ENO1: variants seen among roughly 807,000 people sequenced by gnomAD.
ENO1 encodes the protein alpha-enolase.
In ENO1, 33 loss-of-function variants were observed where a neutral mutation model predicts 46.3. The observed-to-expected ratio is 0.71, with a 90% CI of 0.54 to 0.95. The LOEUF (loss-of-function observed/expected upper bound fraction) is 0.95, where lower values mean the gene tolerates loss of function less well. Among genes scored for constraint, ENO1 ranks in the 40% least tolerant of loss-of-function variants. The pLI is 0.00. For missense variants in ENO1, 488 were observed against 553.3 expected, an observed-to-expected ratio of 0.88 and a Z score of 1.18; for synonymous variants, 220 against 216.0, an observed-to-expected ratio of 1.02 and a Z score of -0.16.
At chr1:8,874,160 G>A (rs1361077699) in intron 2 of ENO1, among the ~76,000 whole-genome samples, 2 of 152,094 alleles carry the variant, frequency 1.3e-5, no homozygotes, top group Admixed American at 1.3e-4. Flanking sequence ...CCTGCATTTG[G>A]TCACAGCAAG....
In ENO1 at chr1:8,865,409, C is replaced by A. The variant is rs773168746; in HGVS notation, c.741G>T (p.Ala247=). The change falls in exon 8 of 12, where the codon GCG becomes GCT. Residue 247 remains alanine, a synonymous_variant. Coordinates refer to ENST00000234590, the MANE Select transcript of ENO1 (RefSeq NM_001428.5). ...TDKVVIGMDV[A]ASEFFRSGKY... Reference sequence around the variant, plus strand: ...TCCCAGACCTGAAGAACTCGGAGGCCGCTACGTCCATGCCGATGACCACCT... The same window carrying A: ...TCCCAGACCTGAAGAACTCGGAGGCAGCTACGTCCATGCCGATGACCACCT... 6.2e-7 allele frequency: 1 copy of A among 1,614,062 alleles called. No individual in the cohort carries two copies. The highest frequency in any genetic ancestry group is 8.5e-7 in the Non-Finnish European group (1 of 1,180,038).
In ENO1 at chr1:8,861,149, C is replaced by T. The variant is rs933414679; in HGVS notation, c.*211G>A. The stretch of plus-strand genomic sequence containing the variant: ...GAAAAACAATGACTTGGGCCAATTA[C>T]ACGACTGCAAAGCTAGAGCTGCCAA... On this transcript the variant is annotated 3_prime_UTR_variant, in exon 12 of 12. Coordinates refer to ENST00000234590, the MANE Select transcript of ENO1 (RefSeq NM_001428.5). The T allele has an allele frequency of 7.5e-6, 4 of 531,158 alleles. No homozygotes were observed. Among genetic ancestry groups the T allele is most frequent in the Non-Finnish European group, 1.3e-5 (4 of 298,718 alleles). 32.9% of individuals were successfully genotyped at this position (531,158 alleles called of 1,614,324 possible).
In ENO1 at chr1:8,861,235, C is replaced by T. The variant is rs544057356; in HGVS notation, c.*125G>A. 1.8e-3 allele frequency: 1,660 copies of T among 946,552 alleles called. 13 individuals carry two copies. In the African/African-American group the frequency reaches 0.02, roughly 12 times the overall value. The allele number at this position is 946,552 out of a possible 1,614,324, so 58.6% of individuals were successfully genotyped here. On this transcript the variant is annotated 3_prime_UTR_variant, in exon 12 of 12. Transcript: ENST00000234590. ...TAAGGAAGCGGTACGAACTCCACGGCGGTGGGGCGCTAACTAGCAGGGACC... is the reference window on the plus strand; with the variant it reads ...TAAGGAAGCGGTACGAACTCCACGGTGGTGGGGCGCTAACTAGCAGGGACC...
At chr1:8,876,135 T>TTATAGAAAC (rs1458329446) in intron 1 of ENO1, 1 of 152,116 alleles carries the variant, frequency 6.6e-6, no homozygotes, top group African/African-American at 2.4e-5. Context: ...CCAAAGAAAC[T>TTATAGAAAC]AACTGAACAA....
chr1:8,877,012 C>G (rs1642748570), intron 1 of ENO1, among the ~76,000 whole-genome samples: 2 of 148,646 alleles, frequency 1.3e-5, no homozygotes, highest in African/African-American at 2.5e-5. Context: ...TTTTTTGAGA[C>G]GGAGTCGCGC....
chr1:8,871,750 T>A, intron 3 of ENO1, 141 bp downstream of exon 3: 1 of 1,254,936 alleles, frequency 8.0e-7, no homozygotes, highest in Non-Finnish European at 1.1e-6. Flanking sequence ...GTGCACTGCT[T>A]CCATCAACAT....
intron 1 of ENO1, among the ~76,000 whole-genome samples, chr1:8,876,889 G>T (rs1461715379): frequency 6.6e-6 from 1 of 151,702 alleles, no homozygotes; most frequent in Non-Finnish European, 1.5e-5. Context: ...TTGTCGCCCA[G>T]ACTGGAGTGC....
chr1:8,870,224 C>A, intron 4 of ENO1: 1 of 550,280 alleles, frequency 1.8e-6, no homozygotes, highest in Non-Finnish European at 3.2e-6. Flanking sequence ...AACCTCAGGG[C>A]TCGAAGTGTC....
At chr1:8,873,691 A>C (rs549302394) in intron 2 of ENO1, 1 of 152,232 alleles carries the variant, frequency 6.6e-6, no homozygotes, top group Non-Finnish European at 1.5e-5. Context: ...GTCAGGCCTC[A>C]AGGATCCTTT....
chr1:8,864,242 G>A (rs1300337883), intron 8 of ENO1, 150 bp from the exon 9 acceptor site: 2 of 815,774 alleles, frequency 2.5e-6, no homozygotes, highest in Non-Finnish European at 4.1e-6. Context: ...ACTGATCCTT[G>A]AAACAATGTG....
intron 4 of ENO1, among the ~76,000 whole-genome samples, chr1:8,869,997 CT>C (rs1411340423): frequency 6.6e-6 from 1 of 152,228 alleles, no homozygotes; most frequent in African/African-American, 2.4e-5. Context: ...CCCAGCCCTA[CT>C]TCACCTCCAG....
Position 8,868,010 on chromosome 1 carries a change from C to T in ENO1, c.288G>A (p.Glu96=). ...CACATTTATTTTCTGTTCCATCCAT[C>T]TCGATCATCAGTTTGTCAATCTTCT... is the stretch of plus-strand genomic sequence containing the variant. The part of the protein sequence containing the change: ...EQEKIDKLMI[E]MDGTENKSKF... Residue 96 remains glutamate (E), a synonymous_variant, in exon 5 of 12, where the codon GAG becomes GAA. Transcript: ENST00000234590. The T allele has an allele frequency of 1.9e-6, 3 of 1,614,118 alleles. No homozygotes were observed. The highest frequency in any genetic ancestry group is 2.5e-6 in the Non-Finnish European group (3 of 1,180,006).
At chr1:8,875,542 G>T (rs529612439) in intron 1 of ENO1, among the ~76,000 whole-genome samples, 1 of 152,166 alleles carries the variant, frequency 6.6e-6, no homozygotes, top group Admixed American at 6.5e-5. Context: ...CGGGACCAGG[G>T]GAAAACCTTG....
chr1:8,878,659 C>T lies in ENO1; in HGVS notation c.-89G>A, dbSNP rs1425276173. ...GAGGTGAACGTAAAGCCGGCGAGAT[C>T]TCCGTGCTCCGGGTACCCACAGATA... is the stretch of plus-strand genomic sequence containing the variant. On this transcript the variant is annotated 5_prime_UTR_variant, in exon 1 of 12. Coordinates refer to ENST00000234590, the MANE Select transcript of ENO1 (RefSeq NM_001428.5). The T allele has an allele frequency of 2.2e-6, 1 of 456,098 alleles. No homozygotes were observed. Among genetic ancestry groups the T allele is most frequent in the East Asian group, 6.9e-5 (1 of 14,390 alleles). 28.3% of individuals were successfully genotyped at this position (456,098 alleles called of 1,614,324 possible).
In ENO1 at chr1:8,872,000, A is replaced by AAAAAGATGT. The variant is rs1642644248; in HGVS notation, c.86-23_86-15dup. ...CTCTGAAGAGACCTGGATGAGAGGA[A>AAAAAGATGT]AAAAGATGTAGTAGCAATTCAGAAA... On this transcript the variant is annotated splice_polypyrimidine_tract_variant and intron_variant, in intron 2 of 11. Transcript: ENST00000234590. 1.2e-6 allele frequency: 2 copies of AAAAAGATGT among 1,610,974 alleles called. No individual in the cohort carries two copies. The highest frequency in any genetic ancestry group is 4.5e-5 in the East Asian group (2 of 44,860).
chr1:8,878,032 T>C (rs1642772837), intron 1 of ENO1: 1 of 153,688 alleles, frequency 6.5e-6, no homozygotes, highest in South Asian at 1.9e-4. Flanking sequence ...CGGAGTTAAA[T>C]GAGTCACCGC....
chr1:8,867,552 A>AT (rs34092287), intron 5 of ENO1, among the ~76,000 whole-genome samples: 8,631 of 83,288 alleles, frequency 0.1, 798 homozygotes, highest in African/African-American at 0.27. Context: ...TTCAAAAAAA[A>AT]TTTTTTTTTT....
intron 2 of ENO1, among the ~76,000 whole-genome samples, chr1:8,874,375 G>C (rs548286679): frequency 6.6e-6 from 1 of 151,828 alleles, no homozygotes; most frequent in Admixed American, 6.6e-5. Context: ...TCAGGAGTTC[G>C]AGACCAGCCT....
rs2124041000 is a variant in ENO1, at chr1:8,861,141, G to A, written c.*219C>T. ...TGAGGCGAGAAAAACAATGACTTGG[G>A]CCAATTACACGACTGCAAAGCTAGA... is the stretch of plus-strand genomic sequence containing the variant. On this transcript the variant is annotated 3_prime_UTR_variant, in exon 12 of 12. Coordinates refer to ENST00000234590, the MANE Select transcript of ENO1 (RefSeq NM_001428.5). 4 of 521,114 alleles carry A rather than the reference G, an allele frequency of 7.7e-6. No individual in the cohort carries two copies. Among genetic ancestry groups the A allele is most frequent in the Non-Finnish European group, 3.4e-6 (1 of 292,432 alleles). 32.3% of individuals were successfully genotyped at this position (521,114 alleles called of 1,614,324 possible). A position where few individuals can be genotyped will look rare whatever the true frequency, so the allele number is the denominator to read the frequency against.
Sources: allele counts gnomAD v4.1 joint callset (sites outside exome capture counted in the v4.1 genomes callset), GRCh38; gene constraint gnomAD v4.1.1; transcripts MANE v1.5; gene names NCBI Gene and HGNC (gene_info 2026-07-23, HGNC 2026-07-21).